DNAJC11: variants seen among roughly 807,000 people sequenced by gnomAD.
DNAJC11 encodes the protein dnaJ homolog subfamily C member 11.
A neutral mutation model predicts 78.6 loss-of-function variants in DNAJC11; 15 were observed. The ratio of observed to expected loss-of-function variants is 0.19; its 90% CI spans 0.13 to 0.29. The LOEUF is 0.29. Ranked by LOEUF, DNAJC11 falls within the 10% of genes least tolerant of loss-of-function variation. The pLI, the probability that DNAJC11 is intolerant of heterozygous loss-of-function variation, is 1.00. For missense variants in DNAJC11, 547 were observed against 709.6 expected (o/e 0.77, Z 2.60); for synonymous variants, 292 against 272.1 (o/e 1.07, Z -0.72).
chr1:6,697,873 C>T (rs1443634161), intron 1 of DNAJC11, among the ~76,000 whole-genome samples: 6 of 151,318 alleles, frequency 4.0e-5, no homozygotes, highest in Non-Finnish European at 7.4e-5. Context: ...GGCGCAATCT[C>T]GGCTCACTGC....
chr1:6,654,812 C>T (rs369643449), intron 4 of DNAJC11, among the ~76,000 whole-genome samples: 1 of 149,148 alleles, frequency 6.7e-6, no homozygotes, highest in African/African-American at 2.5e-5. Context: ...TGGAGTCTCG[C>T]TCTGTCACCA....
chr1:6,701,415 A>T (rs941716759), intron 1 of DNAJC11, among the ~76,000 whole-genome samples: 66 of 152,196 alleles, frequency 4.3e-4, no homozygotes, highest in African/African-American at 1.5e-3. Context: ...TGCTAACCCC[A>T]CTACGGTGGC....
intron 7 of DNAJC11, among the ~76,000 whole-genome samples, chr1:6,650,400 TA>T (rs201107744): frequency 3.0e-4 from 46 of 151,906 alleles, no homozygotes; most frequent in Non-Finnish European, 4.6e-4. Context: ...AACTTATCCC[TA>T]AAAAAAACTA....
chr1:6,659,685 C>A (rs1642179355), intron 4 of DNAJC11, among the ~76,000 whole-genome samples: 1 of 152,082 alleles, frequency 6.6e-6, no homozygotes, highest in Admixed American at 6.5e-5. Flanking sequence ...TGCTTGAATC[C>A]AGGAGGTGGA....
chr1:6,685,706 T>C (rs1019848815), intron 1 of DNAJC11, among the ~76,000 whole-genome samples: 1 of 152,226 alleles, frequency 6.6e-6, no homozygotes, highest in African/African-American at 2.4e-5. Flanking sequence ...TGAGTTTTCC[T>C]TTTGTTCTCT....
At chr1:6,644,723 C>T in intron 9 of DNAJC11, 49 bp from the exon 10 acceptor site, 3 of 1,489,480 alleles carry the variant, frequency 2.0e-6, no homozygotes, top group Non-Finnish European at 2.8e-6. Flanking sequence ...TTCATCACTT[C>T]AGGGGCAGCT....
intron 1 of DNAJC11, among the ~76,000 whole-genome samples, chr1:6,689,480 G>A (rs932672577): frequency 1.4e-4 from 21 of 152,208 alleles, no homozygotes; most frequent in African/African-American, 4.6e-4. Flanking sequence ...CCAGAAGGCA[G>A]ATAGAGATGA....
Position 6,637,191 on chromosome 1 carries a change from G to A in DNAJC11, c.1524+7C>T, listed in dbSNP as rs778231246. On this transcript the variant is annotated splice_region_variant and intron_variant, in intron 14 of 15. Transcript: ENST00000377577. ...CACATAGCATGTGGTGGCTGGTGCT[G>A]CTGTACCTTGGAGGCCTCCGTGAGG... 6.2e-7 allele frequency: 1 copy of A among 1,613,996 alleles called. No individual in the cohort carries two copies. The highest frequency in any genetic ancestry group is 1.1e-5 in the South Asian group (1 of 91,080).
chr1:6,686,972 C>T (rs1642665833), intron 1 of DNAJC11, among the ~76,000 whole-genome samples: 1 of 152,180 alleles, frequency 6.6e-6, no homozygotes, highest in African/African-American at 2.4e-5. Context: ...GCCTGATTAC[C>T]ACAATTGAAG....
Position 6,667,731 on chromosome 1 carries a change from A to T in DNAJC11, c.356T>A (p.Leu119Ter), listed in dbSNP as rs951020405. 6.2e-7 allele frequency: 1 copy of T among 1,613,942 alleles called. No individual in the cohort carries two copies. The highest frequency in any genetic ancestry group is 1.3e-5 in the African/African-American group (1 of 74,884). Residue 119 changes from leucine to a stop codon, truncating the protein, a stop_gained, in exon 4 of 16, where the codon TTG (leucine) becomes TAG (stop). Coordinates refer to ENST00000377577, the MANE Select transcript of DNAJC11 (RefSeq NM_018198.4). LOFTEE classifies it high-confidence loss of function. ...RLQREREERR[L>*]QQRTNPKGTI... Reference sequence around the variant, plus strand: ...TACCTTGGGATTGGTTCGCTGCTGCAATCTCCTCTCTTCTCTCTCTCTCTG... The same window carrying T: ...TACCTTGGGATTGGTTCGCTGCTGCTATCTCCTCTCTTCTCTCTCTCTCTG...
rs1004021744 is a variant in DNAJC11, at chr1:6,645,383, C to G, written c.895-257G>C. ...CTCTGGTGACACTGAGCCTATGCTC[C>G]TAGGTGGCAGCGGCTGGTGAGAGCC... On this transcript the variant is annotated intron_variant, in intron 8 of 15. Coordinates refer to ENST00000377577, the MANE Select transcript of DNAJC11 (RefSeq NM_018198.4). The surrounding 1 kb of genome is among the most constrained non-coding windows in gnomAD (Gnocchi z 4.1). 6.6e-6 allele frequency among the ~76,000 whole-genome samples: 1 copy of G among 152,214 alleles called. No homozygotes were observed. Among genetic ancestry groups the G allele is most frequent in the African/African-American group, 2.4e-5 (1 of 41,452 alleles).
chr1:6,677,175 C>CAAAAAAAAAAAAAAAAAAAAAA (rs1029455526), intron 3 of DNAJC11, among the ~76,000 whole-genome samples: 1 of 105,972 alleles, frequency 9.4e-6, no homozygotes, highest in Non-Finnish European at 2.0e-5. Flanking sequence ...AAAAAAAAAA[C>CAAAAAAAAAAAAAAAAAAAAAA]AAAAAAAACG....
At chr1:6,643,894 G>A (rs770896646) in intron 10 of DNAJC11, among the ~76,000 whole-genome samples, 2 of 151,262 alleles carry the variant, frequency 1.3e-5, no homozygotes, top group Non-Finnish European at 3.0e-5. Context: ...TTTTTGAGAT[G>A]GAGTCTCACT....
intron 4 of DNAJC11, among the ~76,000 whole-genome samples, chr1:6,664,094 G>T (rs763449942): frequency 6.6e-6 from 1 of 152,178 alleles, no homozygotes; most frequent in East Asian, 1.9e-4. Flanking sequence ...GCCGGGGCTG[G>T]GGATTTTACA....
chr1:6,637,954 G>A, intron 12 of DNAJC11: 2 of 385,458 alleles, frequency 5.2e-6, no homozygotes, highest in African/African-American at 2.0e-5. Flanking sequence ...ACAGGCATGT[G>A]CTCGCCAGGC....
intron 4 of DNAJC11, among the ~76,000 whole-genome samples, chr1:6,660,701 T>G (rs1262914621): frequency 6.6e-6 from 1 of 152,212 alleles, no homozygotes; most frequent in Non-Finnish European, 1.5e-5. Flanking sequence ...CCATTTTCCC[T>G]GATTCCCCCC....
intron 14 of DNAJC11, among the ~76,000 whole-genome samples, chr1:6,636,673 G>C (rs1418061972): frequency 6.6e-6 from 1 of 152,174 alleles, no homozygotes; most frequent in African/African-American, 2.4e-5. Context: ...CACACCAGGG[G>C]CTCAGTAAAT....
At chr1:6,687,997 C>A (rs1453874398) in intron 1 of DNAJC11, among the ~76,000 whole-genome samples, 1 of 152,106 alleles carries the variant, frequency 6.6e-6, no homozygotes, top group East Asian at 1.9e-4. Context: ...AAATACCATA[C>A]AAAAAAATAT....
chr1:6,701,642 C>G (rs3761925), intron 1 of DNAJC11, 87 bp downstream of exon 1: 63 of 1,366,968 alleles, frequency 4.6e-5, no homozygotes, highest in Non-Finnish European at 5.8e-5. Context: ...CCTCCCGTGG[C>G]GGGGGTGGGG....
Sources: allele counts gnomAD v4.1 joint callset (sites outside exome capture counted in the v4.1 genomes callset), GRCh38; gene constraint gnomAD v4.1.1; non-coding constraint Gnocchi (gnomAD v3.1); transcripts MANE v1.5; gene names NCBI Gene and HGNC (gene_info 2026-07-23, HGNC 2026-07-21).